Variants in UBXN8 observed in about 807,000 individuals in gnomAD.
UBXN8 encodes the protein UBX domain-containing protein 8.
Under a neutral mutation model 32.1 loss-of-function variants are expected in UBXN8, and 27 were observed. That is an observed-to-expected ratio of 0.84 (90% CI 0.62 to 1.16). UBXN8 has a LOEUF of 1.16. Ranked by LOEUF, UBXN8 falls within the 50% of genes most tolerant of loss-of-function variation. UBXN8 has a pLI of 0.00. For synonymous variants in UBXN8, 109 were observed against 111.8 expected (o/e 0.98, Z 0.16); for missense variants, 306 against 311.4 (o/e 0.98, Z 0.13).
intron 6 of UBXN8, among the ~76,000 whole-genome samples, chr8:30,762,819 G>C (rs1805890040): frequency 6.6e-6 from 1 of 152,094 alleles, no homozygotes; most frequent in African/African-American, 2.4e-5. Context: ...AGTCATAAAG[G>C]GTTTCTTGAC....
chr8:30,763,258 ATATT>A lies in UBXN8; in HGVS notation c.571-13_571-10del. 1 of 1,613,472 alleles carries A rather than the reference ATATT, an allele frequency of 6.2e-7. No individual in the cohort carries two copies. The highest frequency in any genetic ancestry group is 1.1e-5 in the South Asian group (1 of 91,072). ...GCAATGGATCGGAGTTCTTATGTGA[ATATT>A]TCTTCCTTAGGTAGTTACTGTTGCT... On this transcript the variant is annotated splice_polypyrimidine_tract_variant and intron_variant, in intron 6 of 7. Transcript: ENST00000265616.
rs375804412 is a variant in UBXN8, at chr8:30,751,378, GT to G, written c.89-11del. 8 of 1,548,838 alleles carry G rather than the reference GT, an allele frequency of 5.2e-6. No individual in the cohort carries two copies. In the African/African-American group the frequency reaches 6.9e-5, roughly 13 times the overall value. The stretch of plus-strand genomic sequence containing the variant: ...AAAAAAGTTTTGAATTTTAATTTTA[GT>G]TTTTTTCCTTTATCAGGAATCAAGG... On this transcript the variant is annotated splice_polypyrimidine_tract_variant and intron_variant, in intron 1 of 7. Coordinates refer to ENST00000265616, the MANE Select transcript of UBXN8 (RefSeq NM_005671.4).
At chr8:30,748,917 C>T (rs1295947740) in intron 1 of UBXN8, among the ~76,000 whole-genome samples, 3 of 152,150 alleles carry the variant, frequency 2.0e-5, no homozygotes, top group Non-Finnish European at 4.4e-5. Flanking sequence ...CGTTGGATTC[C>T]TCTGTATCTC....
Position 30,744,178 on chromosome 8 carries a change from G to C in UBXN8, c.-12G>C, listed in dbSNP as rs774961465. 6.2e-7 allele frequency: 1 copy of C among 1,610,932 alleles called. No individual in the cohort carries two copies. The highest frequency in any genetic ancestry group is 8.5e-7 in the Non-Finnish European group (1 of 1,178,664). ...GGCGGGCTTTCCGCCTGCACCAGGC[G>C]CTTCCGCCACCATGGCTTCACGTGG... On this transcript the variant is annotated 5_prime_UTR_variant, in exon 1 of 8. Transcript: ENST00000265616.
At chr8:30,756,924 T>C in intron 5 of UBXN8, 37 bp downstream of exon 5, 1 of 1,612,240 alleles carries the variant, frequency 6.2e-7, no homozygotes, top group South Asian at 1.1e-5. Flanking sequence ...ATTGTGTCTG[T>C]GTGCAGTAGG....
intron 1 of UBXN8, among the ~76,000 whole-genome samples, chr8:30,750,806 TAAAAA>T (rs1445267739): frequency 1.6e-5 from 1 of 62,088 alleles, no homozygotes; most frequent in Non-Finnish European, 3.1e-5. Flanking sequence ...CCCTGTCTCT[TAAAAA>T]AAGAAGGAAA....
chr8:30,763,390 T>C, intron 7 of UBXN8, 43 bp downstream of exon 7: 1 of 1,580,466 alleles, frequency 6.3e-7, no homozygotes, highest in Non-Finnish European at 8.7e-7. Flanking sequence ...CTTTGTTGAA[T>C]ATGGCAGTAG....
At chr8:30,761,962 G>T (rs1207212363) in intron 6 of UBXN8, among the ~76,000 whole-genome samples, 1 of 151,732 alleles carries the variant, frequency 6.6e-6, no homozygotes, top group Non-Finnish European at 1.5e-5. Context: ...TGTATGGGGA[G>T]CACATACGTG....
At chr8:30,763,379 T>C (rs1474317815) in intron 7 of UBXN8, 32 bp downstream of exon 7, 33 of 1,602,742 alleles carry the variant, frequency 2.1e-5, no homozygotes, top group Non-Finnish European at 2.6e-5. Flanking sequence ...TTGAGAAATA[T>C]CTTTGTTGAA....
intron 1 of UBXN8, among the ~76,000 whole-genome samples, chr8:30,737,980 C>T (rs779920678): frequency 2.0e-5 from 3 of 151,946 alleles, no homozygotes; most frequent in South Asian, 2.1e-4. Flanking sequence ...ATATAGAGGC[C>T]GGGCACGGTG....
intron 1 of UBXN8, among the ~76,000 whole-genome samples, chr8:30,745,843 G>T (rs1805345720): frequency 6.6e-6 from 1 of 152,212 alleles, no homozygotes; most frequent in South Asian, 2.1e-4. Flanking sequence ...GGACTTCCCG[G>T]CTCAAGTGAT....
In UBXN8 at chr8:30,746,308, T is replaced by C. The variant is rs987319544; in HGVS notation, c.88+2031T>C. 1.4e-4 allele frequency among the ~76,000 whole-genome samples: 21 copies of C among 152,090 alleles called. 1 individual carries two copies. Among genetic ancestry groups the C allele is most frequent in the East Asian group, 7.7e-4 (4 of 5,186 alleles). On this transcript the variant is annotated intron_variant, in intron 1 of 7. Transcript: ENST00000265616. ...TAATATATATTTTTTCCTTTTTTTT[T>C]CTGCTACCTTTGGATTCTTGATAGT...
chr8:30,763,278 T>C lies in UBXN8; in HGVS notation c.576T>C (p.Val192=), dbSNP rs1563566854. Residue 192 remains valine (V), a synonymous_variant, in exon 7 of 8, where the codon GTT becomes GTC. Transcript: ENST00000265616. The stretch of plus-strand genomic sequence containing the variant: ...TGTGAATATTTCTTCCTTAGGTAGT[T>C]ACTGTTGCTCTCCGATGTCCCAGTG... ...EEPSQTAEEV[V]TVALRCPSGN... 6.2e-7 allele frequency: 1 copy of C among 1,613,856 alleles called. No homozygotes were observed. Among genetic ancestry groups the C allele is most frequent in the South Asian group, 1.1e-5 (1 of 91,082 alleles).
chr8:30,735,449 C>A (rs1243675788), intron 1 of UBXN8, among the ~76,000 whole-genome samples: 3 of 152,136 alleles, frequency 2.0e-5, no homozygotes, highest in Non-Finnish European at 4.4e-5. Flanking sequence ...CCCACCCACT[C>A]AGGAGGCTGA....
chr8:30,749,828 A>G (rs1469064210), intron 1 of UBXN8, among the ~76,000 whole-genome samples: 1 of 151,970 alleles, frequency 6.6e-6, no homozygotes, highest in Non-Finnish European at 1.5e-5. Flanking sequence ...GATGGTCTGG[A>G]TCTCCTGACC....
upstream of UBXN8, among the ~76,000 whole-genome samples, chr8:30,742,506 C>T (rs1001835397): frequency 1.3e-5 from 2 of 152,106 alleles, no homozygotes; most frequent in Non-Finnish European, 2.9e-5. Flanking sequence ...TACGCCATCA[C>T]GCGCAGCTAT....
intron 1 of UBXN8, 45 bp downstream of exon 1, chr8:30,744,322 T>G (rs762746437): frequency 1.6e-5 from 26 of 1,579,140 alleles, no homozygotes; most frequent in Non-Finnish European, 2.1e-5. Context: ...TGGGTAATTT[T>G]CACAGGAATG....
chr8:30,766,328 G>A lies in UBXN8; in HGVS notation c.747G>A (p.Ser249=), dbSNP rs199697497. 29 of 1,613,520 alleles carry A rather than the reference G, an allele frequency of 1.8e-5. No individual in the cohort carries two copies. Among genetic ancestry groups the A allele is most frequent in the Admixed American group, 1.3e-4 (8 of 59,954 alleles). The change falls in exon 8 of 8, where the codon TCG becomes TCA. Residue 249 remains serine (S), a synonymous_variant. Transcript: ENST00000265616. ...CTCTGGCAGTGGAGGGAGGCCAGTC[G>A]CTGGAGGACATAGGAATAACTGTGG... is the stretch of plus-strand genomic sequence containing the variant. ...RRPLAVEGGQ[S]LEDIGITVDT... is the part of the protein sequence containing the mutation.
At chr8:30,763,127 T>A in intron 6 of UBXN8, 146 bp from the exon 7 acceptor site, 1 of 762,750 alleles carries the variant, frequency 1.3e-6, no homozygotes, top group Non-Finnish European at 2.1e-6. Flanking sequence ...ATTACAGGCG[T>A]GAGCCACCAC....
Sources: gnomAD v4.1 joint callset for allele counts (sites outside exome capture counted in the v4.1 genomes callset) on GRCh38, gnomAD v4.1.1 for gene constraint, MANE v1.5 for transcripts, NCBI Gene and HGNC (gene_info 2026-07-23, HGNC 2026-07-21) for gene names.